Variants in BRCC3 observed in about 807,000 individuals in gnomAD.
BRCC3 encodes lys-63-specific deubiquitinase BRCC36.
BRCC3 carries 15 observed loss-of-function variants against 28.0 expected under a neutral mutation model. The observed-to-expected ratio is 0.54, with a 90% CI of 0.36 to 0.82. The LOEUF is 0.82. BRCC3 is among the 40% of genes least tolerant of loss of function. BRCC3 has a pLI of 0.01. For missense variants in BRCC3, 109 were observed against 225.9 expected (o/e 0.48, Z 3.32); for synonymous variants, 66 against 80.3 (o/e 0.82, Z 0.95).
chrX:155,116,666 C>G (rs1391870467), intron 8 of BRCC3, 45 bp from the exon 9 acceptor site: 23 of 1,035,943 alleles, frequency 2.2e-5, no homozygotes, highest in Non-Finnish European at 3.0e-5. Flanking sequence ...TTTGCTTTCC[C>G]TTCAGTGCTG....
At chrX:155,105,958 A>G (rs1557297484) in intron 7 of BRCC3, among the ~76,000 whole-genome samples, 1 of 112,280 alleles carries the variant, frequency 8.9e-6, no homozygotes, top group Non-Finnish European at 1.9e-5. Flanking sequence ...TACAGGTGTG[A>G]GCCCAGGCTT....
At chrX:155,089,463 G>C in intron 6 of BRCC3, 112 bp downstream of exon 6, 1 of 467,320 alleles carries the variant, frequency 2.1e-6, no homozygotes, top group Non-Finnish European at 3.6e-6. Context: ...GGTCAGGAAA[G>C]GTTTCAAGGA....
chrX:155,101,945 A>G (rs951041739), intron 7 of BRCC3, among the ~76,000 whole-genome samples: 15 of 112,355 alleles, frequency 1.3e-4, no homozygotes, highest in African/African-American at 4.8e-4. Context: ...CTCTTTTCAT[A>G]CATCGTAATT....
chrX:155,079,457 C>T (rs1387416166), intron 5 of BRCC3, among the ~76,000 whole-genome samples: 10 of 111,734 alleles, frequency 8.9e-5, no homozygotes, highest in African/African-American at 3.3e-4. Context: ...CACTGTGATA[C>T]GAATGGCAAA....
intron 3 of BRCC3, among the ~76,000 whole-genome samples, chrX:155,075,936 TG>T (rs1305705693): frequency 1.8e-5 from 2 of 112,152 alleles, no homozygotes; most frequent in Non-Finnish European, 3.8e-5. Flanking sequence ...ATTCGGCACC[TG>T]TAGAAAATCT....
intron 5 of BRCC3, among the ~76,000 whole-genome samples, chrX:155,080,451 C>T (rs1169509978): frequency 5.2e-5 from 3 of 57,988 alleles, no homozygotes; most frequent in African/African-American, 6.5e-5. Context: ...ACATTTCAAT[C>T]TTTATAGCAG....
chrX:155,110,204 T>C (rs1031115856), intron 7 of BRCC3, among the ~76,000 whole-genome samples: 3 of 111,631 alleles, frequency 2.7e-5, no homozygotes, highest in Non-Finnish European at 5.7e-5. Flanking sequence ...TTTGATATCA[T>C]GGTTTTGCTG....
chrX:155,091,967 C>T (rs2074178244), intron 7 of BRCC3, among the ~76,000 whole-genome samples: 1 of 111,938 alleles, frequency 8.9e-6, no homozygotes, highest in South Asian at 3.7e-4. Context: ...TTTCACCACA[C>T]TAATGCATGC....
intron 3 of BRCC3, among the ~76,000 whole-genome samples, chrX:155,075,291 C>CTTCCT (rs1557293383): frequency 2.8e-4 from 29 of 105,281 alleles, no homozygotes; most frequent in South Asian, 4.1e-4. Flanking sequence ...CCCACTCTTT[C>CTTCCT]CCCTGGCCCT....
At position 155,080,258 on chromosome X, in the gene BRCC3, A is replaced by C. The variant is rs368938688; in HGVS notation, c.403+1555A>C. On this transcript the variant is annotated intron_variant, in intron 5 of 10. Coordinates refer to ENST00000330045, the MANE Select transcript of BRCC3 (RefSeq NM_001018055.3). ...GTTACAATGGGAAATAAATACATAA[A>C]ATTTGGTGGTAAAAAGAAATTCCCT... Among the ~76,000 whole-genome samples, 8 of 111,759 alleles carry C rather than the reference A, an allele frequency of 7.2e-5. No homozygotes were observed. The South Asian group carries it at 2.2e-3, about 31-fold the overall frequency.
rs996482621 is a variant in BRCC3 at position 155,122,876 on chromosome X, A to T, written c.*1672A>T. The T allele has an allele frequency of 1.8e-5, 2 of 111,584 alleles. No homozygotes were observed. The highest frequency in any genetic ancestry group is 6.5e-5 in the African/African-American group (2 of 30,619). 9.2% of individuals were successfully genotyped at this position (111,584 alleles called of 1,213,427 possible). The stretch of plus-strand genomic sequence containing the variant: ...GTGGGGTATGTATGACTATAAAGGG[A>T]TGACGCAAGGAGTTCCTTTGTGCTG... On this transcript the variant is annotated 3_prime_UTR_variant, in exon 11 of 11. Coordinates refer to ENST00000330045, the MANE Select transcript of BRCC3 (RefSeq NM_001018055.3).
intron 3 of BRCC3, among the ~76,000 whole-genome samples, chrX:155,075,285 C>CTGT (rs1315492890): frequency 2.0e-5 from 1 of 50,580 alleles, no homozygotes; most frequent in African/African-American, 4.9e-4. Context: ...GCTAAGCCCA[C>CTGT]TCTTTCCCCT....
intron 5 of BRCC3, among the ~76,000 whole-genome samples, chrX:155,088,158 C>T (rs1018920242): frequency 9.0e-6 from 1 of 111,417 alleles, no homozygotes; most frequent in Non-Finnish European, 1.9e-5. Context: ...CTTAGGAGGA[C>T]ATTGGGGAGA....
At chrX:155,074,727 C>G (rs192054302) in intron 3 of BRCC3, among the ~76,000 whole-genome samples, 2 of 112,310 alleles carry the variant, frequency 1.8e-5, no homozygotes, top group East Asian at 5.5e-4. Flanking sequence ...TTTGTACTGT[C>G]TAAATTAGAT....
chrX:155,097,151 G>T (rs1007157476), intron 7 of BRCC3, among the ~76,000 whole-genome samples: 1 of 111,353 alleles, frequency 9.0e-6, no homozygotes, highest in Non-Finnish European at 1.9e-5. Flanking sequence ...AAAAGAAACG[G>T]GTGGGACTAT....
chrX:155,090,777 T>A lies in BRCC3; in HGVS notation c.493-7T>A. 1 of 1,188,249 alleles carries A rather than the reference T, an allele frequency of 8.4e-7. No individual in the cohort carries two copies. The highest frequency in any genetic ancestry group is 1.1e-6 in the Non-Finnish European group (1 of 878,104). ...GATATTTCTTTCTTTCTTTTTTCCT[T>A]TGATAGACTGGCCGGGTACTCTACA... On this transcript the variant is annotated splice_polypyrimidine_tract_variant and splice_region_variant and intron_variant, in intron 6 of 10. Coordinates refer to ENST00000330045, the MANE Select transcript of BRCC3 (RefSeq NM_001018055.3).
At chrX:155,079,802 T>C (rs2076000939) in intron 5 of BRCC3, among the ~76,000 whole-genome samples, 1 of 111,245 alleles carries the variant, frequency 9.0e-6, no homozygotes, top group Non-Finnish European at 1.9e-5. Context: ...TACATATATG[T>C]ATATACGTGT....
chrX:155,105,351 C>CAG (rs1569560556), intron 7 of BRCC3, among the ~76,000 whole-genome samples: 1 of 111,281 alleles, frequency 9.0e-6, no homozygotes, highest in Non-Finnish European at 1.9e-5. Flanking sequence ...AGTGTGGTGG[C>CAG]GCATGCCTGT....
At chrX:155,075,247 CACCCT>C (rs1557293322) in intron 3 of BRCC3, among the ~76,000 whole-genome samples, 2 of 53,711 alleles carry the variant, frequency 3.7e-5, no homozygotes, top group Admixed American at 1.9e-4. Context: ...TCTCAGATTT[CACCCT>C]TGTCCCTTCA....
Sources: gnomAD v4.1 joint callset for allele counts (sites outside exome capture counted in the v4.1 genomes callset) on GRCh38, gnomAD v4.1.1 for gene constraint, MANE v1.5 for transcripts, NCBI Gene and HGNC (gene_info 2026-07-23, HGNC 2026-07-21) for gene names.